The following FBN2 variants were observed in gnomAD, a reference collection of about 807,000 sequenced individuals.
FBN2 encodes fibrillin 2.
In FBN2, 105 loss-of-function variants were observed where a neutral mutation model predicts 355.6. The ratio of observed to expected loss-of-function variants is 0.30; its 90% CI spans 0.25 to 0.35. FBN2 has a LOEUF of 0.35. FBN2 is among the 10% of genes least tolerant of loss of function. The pLI, the probability that FBN2 is intolerant of heterozygous loss-of-function variation, is 1.00. For synonymous variants in FBN2, 1,350 were observed against 1,301.2 expected (o/e 1.04, Z -0.81); for missense variants, 3,280 against 3,758.7 (o/e 0.87, Z 3.33).
chr5:128,335,244 G>A lies in FBN2; in HGVS notation c.3899C>T (p.Thr1300Ile). ...NPDICDGGQC[T>I]NIPGEYRCLC... ...GCAGCGATACTCTCCAGGAATGTTG[G>A]TACACTGGCCGCCATCACAGATATC... The change falls in exon 30 of 65, where the codon ACC (threonine) becomes ATC (isoleucine). Residue 1300 changes from threonine to isoleucine, a missense_variant. Around this residue, in one of 6 missense-constraint regions of FBN2, gnomAD observed 2,284 missense variants for 2,749.5 expected, o/e 0.83. Coordinates refer to ENST00000262464, the MANE Select transcript of FBN2 (RefSeq NM_001999.4). The A allele has an allele frequency of 6.2e-7, 1 of 1,614,042 alleles. No homozygotes were observed. Among genetic ancestry groups the A allele is most frequent in the African/African-American group, 1.3e-5 (1 of 75,018 alleles).
intron 3 of FBN2, among the ~76,000 whole-genome samples, chr5:128,528,998 T>C (rs571846561): frequency 6.6e-5 from 10 of 152,216 alleles, no homozygotes; most frequent in African/African-American, 9.6e-5. Flanking sequence ...AGCAGTTACT[T>C]AAGCACTGGG....
chr5:128,285,387 A>G (rs1209746026), intron 55 of FBN2, among the ~76,000 whole-genome samples: 1 of 152,202 alleles, frequency 6.6e-6, no homozygotes, highest in Admixed American at 6.6e-5. Flanking sequence ...TTTTGTGATG[A>G]TCAAAAAAAT....
At chr5:128,444,500 T>C (rs1225740817) in intron 7 of FBN2, among the ~76,000 whole-genome samples, 1 of 152,248 alleles carries the variant, frequency 6.6e-6, no homozygotes, top group East Asian at 1.9e-4. Context: ...TATTTCAAAT[T>C]CTAATCACTA....
At chr5:128,290,044 A>T (rs1001058060) in intron 50 of FBN2, 97 bp from the exon 51 acceptor site, 3 of 753,664 alleles carry the variant, frequency 4.0e-6, no homozygotes, top group African/African-American at 1.7e-5. Context: ...ACACTTAATT[A>T]TGTTTCCATT....
chr5:128,377,711 C>A, intron 13 of FBN2, 41 bp downstream of exon 13: 1 of 1,604,450 alleles, frequency 6.2e-7, no homozygotes, highest in Non-Finnish European at 8.5e-7. Flanking sequence ...AAATGTATAT[C>A]CTTTTAAAAT....
Position 128,350,976 on chromosome 5 carries a change from T to G in FBN2, c.2704A>C (p.Ile902Leu). The change falls in exon 21 of 65, where the codon ATC (isoleucine) becomes CTC (leucine). Residue 902 changes from isoleucine to leucine, a missense_variant. Coordinates refer to ENST00000262464, the MANE Select transcript of FBN2 (RefSeq NM_001999.4). ...TTCACCTCACAGCGGCTGTCCTGGA[T>G]GTTGAGCCAACAGGTCCCCTTCAGG... is the stretch of plus-strand genomic sequence containing the variant. The part of the protein sequence containing the change: ...DSLKGTCWLN[I>L]QDSRCEVNIN... 1 of 1,614,182 alleles carries G rather than the reference T, an allele frequency of 6.2e-7. No homozygotes were observed. The highest frequency in any genetic ancestry group is 1.3e-5 in the African/African-American group (1 of 75,060).
intron 5 of FBN2, among the ~76,000 whole-genome samples, chr5:128,493,325 G>A (rs1021059918): frequency 6.6e-6 from 1 of 152,146 alleles, no homozygotes; most frequent in African/African-American, 2.4e-5. Flanking sequence ...TCAGTTTACT[G>A]TGGCTGGAGT....
intron 20 of FBN2, 99 bp downstream of exon 20, chr5:128,357,177 T>C: frequency 1.3e-6 from 2 of 1,488,306 alleles, no homozygotes; most frequent in Non-Finnish European, 1.9e-6. Context: ...AATTCTTTGC[T>C]TTTTGGAATC....
intron 2 of FBN2, among the ~76,000 whole-genome samples, chr5:128,531,209 T>A (rs1756693199): frequency 6.6e-6 from 1 of 152,116 alleles, no homozygotes; most frequent in Admixed American, 6.6e-5. Context: ...ACCATATATA[T>A]AATGGAATAC....
In FBN2 at chr5:128,318,951, T is replaced by C; in HGVS notation, c.4522A>G (p.Asn1508Asp). ...QNICVFGTCN[N>D]LPGMFHCICD... ...ATGCAATGAAACATTCCAGGCAGGT[T>C]ATTACATGTTCCAAAGACACAAATG... is the stretch of plus-strand genomic sequence containing the variant. Residue 1508 changes from asparagine (N) to aspartate (D), a missense_variant, in exon 35 of 65, where the codon AAC becomes GAC. Transcript: ENST00000262464. The C allele has an allele frequency of 1.9e-6, 3 of 1,612,538 alleles. No homozygotes were observed. The highest frequency in any genetic ancestry group is 1.7e-6 in the Non-Finnish European group (2 of 1,178,660).
chr5:128,343,029 G>A (rs1460247733), intron 25 of FBN2, among the ~76,000 whole-genome samples: 2 of 152,100 alleles, frequency 1.3e-5, no homozygotes, highest in African/African-American at 2.4e-5. Context: ...TGCCCAGCGG[G>A]ATAAAGGAGA....
intron 5 of FBN2, among the ~76,000 whole-genome samples, chr5:128,517,964 T>C (rs1296071733): frequency 1.3e-5 from 2 of 152,072 alleles, no homozygotes; most frequent in Non-Finnish European, 2.9e-5. Context: ...GTTTTTACTG[T>C]TATGGCTCGA....
chr5:128,309,327 G>T lies in FBN2; in HGVS notation c.5273C>A (p.Thr1758Lys). Residue 1758 changes from threonine (T) to lysine (K), a missense_variant, in exon 41 of 65, where the codon ACA becomes AAA. By Grantham distance (78) the Thr-to-Lys change is moderately conservative. Around this residue, in one of 6 missense-constraint regions of FBN2, gnomAD observed 2,284 missense variants for 2,749.5 expected, o/e 0.83. Transcript: ENST00000262464. Reference sequence around the variant, plus strand: ...ATATGTGCAGCAGCACATCCTTTTTGTCACATTGAAAGGCAACTCATTCTC... The same window carrying T: ...ATATGTGCAGCAGCACATCCTTTTTTTCACATTGAAAGGCAACTCATTCTC... ...TCENELPFNV[T>K]KRMCCCTYNV... The T allele has an allele frequency of 6.2e-7, 1 of 1,614,010 alleles. No individual in the cohort carries two copies. Among genetic ancestry groups the T allele is most frequent in the Non-Finnish European group, 8.5e-7 (1 of 1,179,882 alleles).
At chr5:128,503,275 T>C (rs980641506) in intron 5 of FBN2, among the ~76,000 whole-genome samples, 1 of 152,196 alleles carries the variant, frequency 6.6e-6, no homozygotes, top group Non-Finnish European at 1.5e-5. Context: ...TTTTCCTTTA[T>C]AAATCACCCA....
intron 5 of FBN2, among the ~76,000 whole-genome samples, chr5:128,493,919 AC>A (rs950908539): frequency 1.1e-4 from 16 of 152,202 alleles, no homozygotes; most frequent in African/African-American, 3.9e-4. Context: ...AATGCTAATG[AC>A]CCTATCTGAC....
chr5:128,484,743 G>A, intron 5 of FBN2, among the ~76,000 whole-genome samples: 1 of 152,184 alleles, frequency 6.6e-6, no homozygotes, highest in East Asian at 1.9e-4. Context: ...GGAGGAAAGT[G>A]AGACACAGAG....
chr5:128,436,261 C>G (rs1753764950), intron 7 of FBN2, among the ~76,000 whole-genome samples: 1 of 152,186 alleles, frequency 6.6e-6, no homozygotes, highest in Non-Finnish European at 1.5e-5. Flanking sequence ...TCCTATCACT[C>G]TTCCCCGCTG....
At chr5:128,423,551 G>A (rs954358913) in intron 7 of FBN2, among the ~76,000 whole-genome samples, 10 of 152,148 alleles carry the variant, frequency 6.6e-5, no homozygotes, top group Non-Finnish European at 1.0e-4. Flanking sequence ...GGGGATTATT[G>A]CAACTCAGGG....
chr5:128,516,466 C>G (rs1241514510), intron 5 of FBN2, among the ~76,000 whole-genome samples: 1 of 151,670 alleles, frequency 6.6e-6, no homozygotes, highest in African/African-American at 2.4e-5. Context: ...GTTACCCACA[C>G]TCAGACTCAA....
Sources: allele counts gnomAD v4.1 joint callset (sites outside exome capture counted in the v4.1 genomes callset), GRCh38; gene constraint gnomAD v4.1.1; regional missense constraint gnomAD v4.1.1; transcripts MANE v1.5; gene names NCBI Gene and HGNC (gene_info 2026-07-23, HGNC 2026-07-21).